The following UBE2R2 variants were observed in gnomAD, a reference collection of about 807,000 sequenced individuals.
UBE2R2 encodes ubiquitin conjugating enzyme E2 R2.
UBE2R2 carries 1 observed loss-of-function variant against 27.8 expected under a neutral mutation model. The observed-to-expected ratio is 0.04, with a 90% confidence interval of 0.01 to 0.17. The LOEUF is 0.17. Ranked by LOEUF, UBE2R2 falls within the 10% of genes least tolerant of loss-of-function variation. The pLI is 1.00. For synonymous variants in UBE2R2, 106 were observed against 113.3 expected, an observed-to-expected ratio of 0.94 and a Z score of 0.41; for missense variants, 100 against 291.0, an observed-to-expected ratio of 0.34 and a Z score of 4.78.
At chr9:33,867,322 C>G (rs1207754262) in intron 1 of UBE2R2, among the ~76,000 whole-genome samples, 2 of 152,186 alleles carry the variant, frequency 1.3e-5, no homozygotes, top group African/African-American at 2.4e-5. Flanking sequence ...ATGACTCTTC[C>G]ACTTCATCCA....
rs894173006 is a variant in UBE2R2, at chr9:33,906,967, G to C, written c.363-4997G>C. On this transcript the variant is annotated intron_variant, in intron 3 of 4. Coordinates refer to ENST00000263228, the MANE Select transcript of UBE2R2 (RefSeq NM_017811.4). ...GATCACTTGAGCCCAAGTGGTCAAG[G>C]CTTCAGTGAGCTGTAATTCTGCCAC... 2.6e-5 allele frequency among the ~76,000 whole-genome samples: 4 copies of C among 152,306 alleles called. No homozygotes were observed. In the South Asian group the frequency reaches 8.3e-4, roughly 32 times the overall value.
At chr9:33,862,116 G>A (rs1821253294) in intron 1 of UBE2R2, among the ~76,000 whole-genome samples, 1 of 152,016 alleles carries the variant, frequency 6.6e-6, no homozygotes, top group African/African-American at 2.4e-5. Flanking sequence ...GCCTCCCAAA[G>A]TGCTGGAATT....
intron 1 of UBE2R2, among the ~76,000 whole-genome samples, chr9:33,827,740 G>T (rs929940208): frequency 6.6e-6 from 1 of 152,100 alleles, no homozygotes; most frequent in Non-Finnish European, 1.5e-5. Flanking sequence ...GGAGGCTGAG[G>T]TGGGCAGATT....
chr9:33,833,174 C>T (rs1447138403), intron 1 of UBE2R2, among the ~76,000 whole-genome samples: 2 of 152,194 alleles, frequency 1.3e-5, no homozygotes, highest in Non-Finnish European at 2.9e-5. Context: ...AAGTGATTCT[C>T]CTGCCTCAGC....
intron 2 of UBE2R2, among the ~76,000 whole-genome samples, chr9:33,897,092 A>G (rs1448170149): frequency 1.7e-5 from 2 of 114,446 alleles, no homozygotes; most frequent in Non-Finnish European, 1.6e-5. Context: ...GCTGGAGTGC[A>G]GTGGCGCGAT....
intron 1 of UBE2R2, among the ~76,000 whole-genome samples, chr9:33,874,361 C>CT (rs1821557673): frequency 6.6e-6 from 1 of 152,014 alleles, no homozygotes; most frequent in African/African-American, 2.4e-5. Context: ...GAAAAATCTT[C>CT]TTTTTTCAGT....
rs920090436 is a variant in UBE2R2 at position 33,897,948 on chromosome 9, T to C, written c.265-2226T>C. On this transcript the variant is annotated intron_variant, in intron 2 of 4. Coordinates refer to ENST00000263228, the MANE Select transcript of UBE2R2 (RefSeq NM_017811.4). Reference sequence around the variant, plus strand: ...GCACCACCACGCCTGGCTAATTTTGTATTTTTAGTAGAGATGGGTTTTCTC... The same window carrying C: ...GCACCACCACGCCTGGCTAATTTTGCATTTTTAGTAGAGATGGGTTTTCTC... Among the ~76,000 whole-genome samples, 4 of 151,284 alleles carry C rather than the reference T, an allele frequency of 2.6e-5. No individual in the cohort carries two copies. The East Asian group carries it at 5.9e-4, about 22-fold the overall frequency.
intron 1 of UBE2R2, among the ~76,000 whole-genome samples, chr9:33,868,345 G>A (rs1821409147): frequency 6.6e-6 from 1 of 152,162 alleles, no homozygotes; most frequent in Admixed American, 6.6e-5. Context: ...AAACTTAAGG[G>A]TGGGGCTTAG....
At chr9:33,904,374 A>G (rs1822306978) in intron 3 of UBE2R2, among the ~76,000 whole-genome samples, 1 of 152,146 alleles carries the variant, frequency 6.6e-6, no homozygotes, top group African/African-American at 2.4e-5. Context: ...CTGTAGTAAG[A>G]CAGCAGTGGA....
chr9:33,848,538 T>G (rs969702736), intron 1 of UBE2R2, among the ~76,000 whole-genome samples: 29 of 152,096 alleles, frequency 1.9e-4, no homozygotes, highest in Non-Finnish European at 3.4e-4. Flanking sequence ...GTATATCACC[T>G]CAGTTTCAAA....
At chr9:33,880,279 A>G (rs918839133) in intron 1 of UBE2R2, among the ~76,000 whole-genome samples, 3 of 152,088 alleles carry the variant, frequency 2.0e-5, no homozygotes, top group South Asian at 2.1e-4. Flanking sequence ...AAAAATTTCT[A>G]TTTGAGTATT....
intron 1 of UBE2R2, among the ~76,000 whole-genome samples, chr9:33,851,989 T>C (rs1323701877): frequency 6.6e-6 from 1 of 152,092 alleles, no homozygotes; most frequent in African/African-American, 2.4e-5. Flanking sequence ...GTAGTAAGAC[T>C]CCACCGTAAT....
At chr9:33,837,120 C>T (rs1820630648) in intron 1 of UBE2R2, among the ~76,000 whole-genome samples, 2 of 152,256 alleles carry the variant, frequency 1.3e-5, no homozygotes, top group African/African-American at 2.4e-5. Flanking sequence ...GATATTTTCT[C>T]CTCTATGTTT....
intron 1 of UBE2R2, among the ~76,000 whole-genome samples, chr9:33,835,685 C>G (rs1488870264): frequency 3.3e-5 from 5 of 151,122 alleles, no homozygotes; most frequent in Non-Finnish European, 5.9e-5. Context: ...AGTTCAAGAC[C>G]AGCCTGGGTG....
chr9:33,818,065 CT>C, intron 1 of UBE2R2, 131 bp downstream of exon 1: 1 of 1,060,586 alleles, frequency 9.4e-7, no homozygotes, highest in South Asian at 1.7e-5. Context: ...GTGCAGCCCC[CT>C]CCCCCATCCC....
At chr9:33,913,205 C>T (rs1397126524) in intron 4 of UBE2R2, among the ~76,000 whole-genome samples, 1 of 152,128 alleles carries the variant, frequency 6.6e-6, no homozygotes, top group Admixed American at 6.6e-5. Context: ...ATGATCCACC[C>T]GCCTTGGCCT....
At chr9:33,865,812 A>AGTTTTTTTGTGTGTTTTTTTTT (rs1821348667) in intron 1 of UBE2R2, among the ~76,000 whole-genome samples, 1 of 146,150 alleles carries the variant, frequency 6.8e-6, no homozygotes, top group Non-Finnish European at 1.5e-5. Flanking sequence ...CTCCACATTT[A>AGTTTTTTTGTGTGTTTTTTTTT]GTTTTTTTGT....
intron 4 of UBE2R2, 22 bp downstream of exon 4, chr9:33,912,120 C>A (rs763876063): frequency 1.3e-6 from 2 of 1,589,404 alleles, no homozygotes; most frequent in Admixed American, 1.8e-5. Context: ...TTTTTTATTA[C>A]CTCAAGTTAT....
intron 2 of UBE2R2, among the ~76,000 whole-genome samples, chr9:33,898,502 TTACA>T (rs1191811699): frequency 2.0e-5 from 3 of 152,156 alleles, no homozygotes; most frequent in Admixed American, 6.5e-5. Flanking sequence ...TTGATAATGG[TTACA>T]TATATATTCA....
Sources: gnomAD v4.1 joint callset for allele counts (sites outside exome capture counted in the v4.1 genomes callset) on GRCh38, gnomAD v4.1.1 for gene constraint, MANE v1.5 for transcripts, NCBI Gene and HGNC (gene_info 2026-07-23, HGNC 2026-07-21) for gene names.